DOCK10: variants seen among roughly 807,000 people sequenced by gnomAD.
DOCK10 encodes the protein dedicator of cytokinesis 10.
DOCK10 carries 145 observed loss-of-function variants against 280.1 expected under a neutral mutation model. That is an observed-to-expected ratio of 0.52 (90% CI 0.45 to 0.59). DOCK10 has a LOEUF of 0.59. Among genes scored for constraint, DOCK10 ranks in the 20% least tolerant of loss-of-function variants. The probability of loss-of-function intolerance (pLI) is 0.00; values close to 1 mark genes in which losing one functional copy is unlikely to be tolerated. For missense variants in DOCK10, 2,368 were observed against 2,651.7 expected, an observed-to-expected ratio of 0.89 and a Z score of 2.35; for synonymous variants, 915 against 942.2, an observed-to-expected ratio of 0.97 and a Z score of 0.53.
intron 43 of DOCK10, 98 bp downstream of exon 43, chr2:224,796,866 G>GT (rs1180364420): frequency 1.8e-6 from 2 of 1,094,030 alleles, no homozygotes; most frequent in African/African-American, 3.1e-5. Flanking sequence ...TAGTGGAGGA[G>GT]TTAGTGACGG....
At chr2:225,029,722 T>C (rs1249611359) in intron 1 of DOCK10, among the ~76,000 whole-genome samples, 1 of 152,224 alleles carries the variant, frequency 6.6e-6, no homozygotes, top group Non-Finnish European at 1.5e-5. Context: ...AAGAGACAAA[T>C]GCTTCAAATA....
At chr2:224,945,582 C>G (rs748053593) in intron 1 of DOCK10, among the ~76,000 whole-genome samples, 3 of 152,050 alleles carry the variant, frequency 2.0e-5, no homozygotes, top group South Asian at 2.1e-4. Flanking sequence ...ATCAAGTTAC[C>G]GTCAACTAAT....
rs779386812 is a variant in DOCK10 at position 224,797,087 on chromosome 2, G to A, written c.4704C>T (p.Val1568=). ...ADLCGSFCYE[V]LKCCNHRSRS... is the part of the protein sequence containing the mutation. ...GTGACCTGTGGTTACAGCATTTTAG[G>A]ACTTCGTAACAGAATGATCCACAGA... Residue 1568 remains valine (V), a synonymous_variant, in exon 43 of 56, where the codon GTC becomes GTT. Coordinates refer to ENST00000258390, the MANE Select transcript of DOCK10 (RefSeq NM_014689.3). 2.5e-6 allele frequency: 4 copies of A among 1,613,532 alleles called. No individual in the cohort carries two copies. Among genetic ancestry groups the A allele is most frequent in the South Asian group, 1.1e-5 (1 of 91,016 alleles).
chr2:224,933,865 C>G (rs1221501891), intron 1 of DOCK10, among the ~76,000 whole-genome samples: 1 of 152,126 alleles, frequency 6.6e-6, no homozygotes, highest in African/African-American at 2.4e-5. Context: ...CGGGTTCTCA[C>G]TATCTTTTAA....
Position 224,834,135 on chromosome 2 carries a change from T to C in DOCK10, c.2964+15A>G, listed in dbSNP as rs367763346. 2 of 1,479,812 alleles carry C rather than the reference T, an allele frequency of 1.4e-6. No individual in the cohort carries two copies. The highest frequency in any genetic ancestry group is 1.4e-5 in the African/African-American group (1 of 72,230). 91.7% of individuals were successfully genotyped at this position (1,479,812 alleles called of 1,614,324 possible). The stretch of plus-strand genomic sequence containing the variant: ...CCTAGTACTCACAGTTAAAGGACCA[T>C]CTTTAAATTCTTACCTTTAGGACAT... On this transcript the variant is annotated intron_variant, in intron 26 of 55. Transcript: ENST00000258390.
intron 27 of DOCK10, among the ~76,000 whole-genome samples, chr2:224,826,739 TTATCTATCTATCTATCTATCTATC>T (rs3083079): frequency 6.9e-6 from 1 of 145,286 alleles, no homozygotes; most frequent in African/African-American, 2.6e-5. Flanking sequence ...ATATATATAA[TTATCTATCTATCTATCTATCTATC>T]TATCTATCTA....
chr2:224,985,060 T>G (rs1705933221), intron 1 of DOCK10, among the ~76,000 whole-genome samples: 4 of 152,060 alleles, frequency 2.6e-5, no homozygotes, highest in Admixed American at 2.6e-4. Flanking sequence ...CTTCAGCAGG[T>G]GTCTGCTATT....
At chr2:224,916,631 C>G in intron 3 of DOCK10, 64 bp downstream of exon 3, 1 of 1,071,226 alleles carries the variant, frequency 9.3e-7, no homozygotes. Flanking sequence ...TAGTAAATTG[C>G]ATTGAGAATC....
In DOCK10 at chr2:224,766,007, G is replaced by A. The variant is rs150429484; in HGVS notation, c.6445-170C>T. The stretch of plus-strand genomic sequence containing the variant: ...CTAAAGAATTTTCCCCCAAGACCAC[G>A]TGCTAGCTTTAACTTTTGGTGAAAG... On this transcript the variant is annotated intron_variant, in intron 55 of 55. Transcript: ENST00000258390. 7.0e-4 allele frequency among the ~76,000 whole-genome samples: 107 copies of A among 152,182 alleles called. 2 individuals are homozygous for A. Among genetic ancestry groups the A allele is most frequent in the East Asian group, 2.7e-3 (14 of 5,180 alleles).
intron 18 of DOCK10, among the ~76,000 whole-genome samples, chr2:224,850,898 A>C (rs890815158): frequency 6.6e-6 from 1 of 152,062 alleles, no homozygotes; most frequent in Non-Finnish European, 1.5e-5. Context: ...GAGTCTATTA[A>C]ATCTCTTTTC....
chr2:224,788,989 C>T, intron 48 of DOCK10, 75 bp downstream of exon 48: 1 of 852,630 alleles, frequency 1.2e-6, no homozygotes. Context: ...CTTGTTTCCC[C>T]CTTATTTAGC....
rs1398598150 is a variant in DOCK10 at position 224,797,971 on chromosome 2, T to C, written c.4507-2A>G. 1 of 1,612,428 alleles carries C rather than the reference T, an allele frequency of 6.2e-7. No individual in the cohort carries two copies. On this transcript the variant is annotated splice_acceptor_variant, in intron 41 of 55. Transcript: ENST00000258390. LOFTEE classifies it high-confidence loss of function. ...ACAGTCACATTGTTGGAGTTGTCTC[T>C]GGAAATTCAATGCAGATGTTATTCA...
intron 27 of DOCK10, among the ~76,000 whole-genome samples, chr2:224,830,321 A>G (rs1205688799): frequency 6.6e-6 from 1 of 152,084 alleles, no homozygotes; most frequent in Non-Finnish European, 1.5e-5. Flanking sequence ...ATTTCCCTCC[A>G]ATACATCTTT....
chr2:224,829,838 G>A (rs72970977), intron 27 of DOCK10, among the ~76,000 whole-genome samples: 8,655 of 152,244 alleles, frequency 0.057, 286 homozygotes, highest in South Asian at 0.077. Flanking sequence ...AGCCATGGAA[G>A]GGGCTGTAAT....
chr2:224,905,286 GCCGGA>G (rs570671878), intron 3 of DOCK10, among the ~76,000 whole-genome samples: 17,449 of 143,286 alleles, frequency 0.12, 3,272 homozygotes, highest in African/African-American at 0.41. Context: ...TATCGCCCAG[GCCGGA>G]CTGCGGACTG....
At chr2:225,040,076 G>T (rs1034123394) in intron 1 of DOCK10, among the ~76,000 whole-genome samples, 7 of 152,166 alleles carry the variant, frequency 4.6e-5, no homozygotes, top group Admixed American at 1.3e-4. Context: ...CAACAGATAT[G>T]AAGAGTCTTA....
intron 27 of DOCK10, among the ~76,000 whole-genome samples, chr2:224,829,249 G>C (rs1467299762): frequency 9.2e-5 from 14 of 152,204 alleles, no homozygotes; most frequent in Non-Finnish European, 4.4e-5. Flanking sequence ...CCTGACTAAA[G>C]TTCTGTTAAC....
Position 224,913,693 on chromosome 2 carries a change from T to G in DOCK10, c.333+3002A>C, listed in dbSNP as rs563486015. The stretch of plus-strand genomic sequence containing the variant: ...ATGTTTTCCTACATTTTTATAACCT[T>G]TGTTTTTATTTTGTTTGTTTGTCTG... On this transcript the variant is annotated intron_variant, in intron 3 of 55. Transcript: ENST00000258390. 1.1e-4 allele frequency among the ~76,000 whole-genome samples: 16 copies of G among 151,570 alleles called. No homozygotes were observed. The South Asian group carries it at 2.7e-3, about 26-fold the overall frequency.
At chr2:224,803,869 A>T (rs779000342) in intron 39 of DOCK10, among the ~76,000 whole-genome samples, 4 of 152,128 alleles carry the variant, frequency 2.6e-5, no homozygotes, top group Non-Finnish European at 5.9e-5. Flanking sequence ...GTGCACACAT[A>T]TATGGTGTAC....
Sources: gnomAD v4.1 joint callset for allele counts (sites outside exome capture counted in the v4.1 genomes callset) on GRCh38, gnomAD v4.1.1 for gene constraint, MANE v1.5 for transcripts, NCBI Gene and HGNC (gene_info 2026-07-23, HGNC 2026-07-21) for gene names.